Variants in ROBO1 observed in about 807,000 individuals in gnomAD.
ROBO1 encodes roundabout homolog 1.
Under a neutral mutation model 195.9 loss-of-function variants are expected in ROBO1, and 149 were observed. The ratio of observed to expected loss-of-function variants is 0.76; its 90% confidence interval spans 0.67 to 0.87. The LOEUF is 0.87. Ranked by LOEUF, ROBO1 falls within the 40% of genes least tolerant of loss-of-function variation. ROBO1 has a pLI of 0.00. For missense variants in ROBO1, 1,933 were observed against 2,068.3 expected, an observed-to-expected ratio of 0.93 and a Z score of 1.27; for synonymous variants, 816 against 733.2, an observed-to-expected ratio of 1.11 and a Z score of -1.82.
chr3:79,393,028 C>T (rs1021734027), intron 2 of ROBO1, among the ~76,000 whole-genome samples: 1 of 152,190 alleles, frequency 6.6e-6, no homozygotes, highest in Non-Finnish European at 1.5e-5. Flanking sequence ...TTGTCTCTTT[C>T]TTCTCTTTCA....
chr3:79,288,412 A>T (rs2032022594), intron 2 of ROBO1, among the ~76,000 whole-genome samples: 1 of 152,208 alleles, frequency 6.6e-6, no homozygotes. Context: ...AGAAAAAAAT[A>T]AAAAACAGAA....
intron 1 of ROBO1, among the ~76,000 whole-genome samples, chr3:79,714,015 A>G (rs925782321): frequency 3.9e-5 from 6 of 152,246 alleles, no homozygotes; most frequent in Admixed American, 1.3e-4. Context: ...TATAGTTTGA[A>G]GTCATGTAGC....
chr3:79,307,974 T>C (rs1219489620), intron 2 of ROBO1, among the ~76,000 whole-genome samples: 2 of 152,154 alleles, frequency 1.3e-5, no homozygotes, highest in Non-Finnish European at 2.9e-5. Context: ...ATTATCTTCA[T>C]AACATTGAGT....
chr3:78,638,207 A>G (rs888808260), intron 22 of ROBO1, among the ~76,000 whole-genome samples: 1 of 137,526 alleles, frequency 7.3e-6, no homozygotes, highest in Non-Finnish European at 1.6e-5. Flanking sequence ...GTATGTGTGT[A>G]TATATATACA....
intron 3 of ROBO1, among the ~76,000 whole-genome samples, chr3:79,123,741 A>G (rs1449611487): frequency 1.3e-5 from 2 of 152,036 alleles, no homozygotes; most frequent in Admixed American, 6.6e-5. Flanking sequence ...GTTCCATTAT[A>G]GACTATAAAG....
At chr3:79,562,249 C>A (rs946250214) in intron 2 of ROBO1, among the ~76,000 whole-genome samples, 2 of 102,600 alleles carry the variant, frequency 1.9e-5, no homozygotes, top group African/African-American at 4.7e-5. Context: ...TAAAATCATG[C>A]CTACTTTAAT....
intron 2 of ROBO1, among the ~76,000 whole-genome samples, chr3:79,506,461 AT>A (rs200619853): frequency 8.0e-4 from 119 of 148,010 alleles, no homozygotes; most frequent in African/African-American, 1.6e-3. Flanking sequence ...AGATGAAGCA[AT>A]TTTTTTTTTT....
chr3:78,911,754 T>C (rs1001140495), intron 4 of ROBO1, among the ~76,000 whole-genome samples: 12 of 152,026 alleles, frequency 7.9e-5, no homozygotes, highest in Admixed American at 6.6e-4. Flanking sequence ...GAATCTAAAA[T>C]GGCCTGTAAA....
Position 79,413,458 on chromosome 3 carries a change from G to T in ROBO1, c.88+176366C>A, listed in dbSNP as rs192985409. ...GCTGGGTATAAGGCAAGAGGGATAGGAGGAGATTGTGGTCAGGTGTGGAGA... is the reference window on the plus strand; with the variant it reads ...GCTGGGTATAAGGCAAGAGGGATAGTAGGAGATTGTGGTCAGGTGTGGAGA... On this transcript the variant is annotated intron_variant, in intron 2 of 30. Transcript: ENST00000464233. Among the ~76,000 whole-genome samples, 434 of 152,172 alleles carry T rather than the reference G, an allele frequency of 2.9e-3. 2 individuals carry two copies. The highest frequency in any genetic ancestry group is 9.1e-3 in the African/African-American group (377 of 41,558).
At chr3:78,768,822 A>G (rs1325711567) in intron 4 of ROBO1, among the ~76,000 whole-genome samples, 2 of 59,190 alleles carry the variant, frequency 3.4e-5, no homozygotes, top group Admixed American at 2.7e-4. Flanking sequence ...CCCCCACCCC[A>G]CCACAGTCCC....
intron 4 of ROBO1, among the ~76,000 whole-genome samples, chr3:78,916,033 C>G (rs2038545641): frequency 6.6e-6 from 1 of 151,674 alleles, no homozygotes; most frequent in Non-Finnish European, 1.5e-5. Flanking sequence ...GGGCGGATCA[C>G]GAGGTCAGGA....
At chr3:79,301,034 G>C (rs1036588822) in intron 2 of ROBO1, among the ~76,000 whole-genome samples, 2 of 152,134 alleles carry the variant, frequency 1.3e-5, no homozygotes, top group Non-Finnish European at 2.9e-5. Flanking sequence ...GGCTGCCCGA[G>C]CCAGCAGTGG....
intron 5 of ROBO1, among the ~76,000 whole-genome samples, chr3:78,720,925 C>T (rs2082026366): frequency 6.8e-6 from 1 of 148,006 alleles, no homozygotes; most frequent in Non-Finnish European, 1.5e-5. Context: ...AGCGGAACAT[C>T]ACACACTGGG....
intron 2 of ROBO1, among the ~76,000 whole-genome samples, chr3:79,179,511 A>T (rs879711880): frequency 1.3e-5 from 2 of 152,328 alleles, no homozygotes; most frequent in Non-Finnish European, 2.9e-5. Flanking sequence ...ACAGAAGTAA[A>T]CCAGGTTAGA....
At chr3:79,595,033 ACAAT>A (rs1944120342) in intron 1 of ROBO1, among the ~76,000 whole-genome samples, 3 of 152,018 alleles carry the variant, frequency 2.0e-5, no homozygotes, top group Non-Finnish European at 4.4e-5. Flanking sequence ...AAACTCCACC[ACAAT>A]CAAGATATAG....
chr3:79,305,640 C>A (rs1322271062), intron 2 of ROBO1, among the ~76,000 whole-genome samples: 1 of 151,918 alleles, frequency 6.6e-6, no homozygotes, highest in African/African-American at 2.4e-5. Flanking sequence ...AATGCATTTC[C>A]TTCTTTTTGA....
intron 10 of ROBO1, among the ~76,000 whole-genome samples, chr3:78,671,294 T>C (rs935965761): frequency 5.9e-5 from 9 of 152,104 alleles, no homozygotes; most frequent in African/African-American, 1.9e-4. Context: ...TATGAAACTC[T>C]ATAGTTTTTT....
rs765210356 is a variant in ROBO1, at chr3:78,651,886, G to A, written c.2658C>T (p.Leu886=). 3.0e-5 allele frequency: 49 copies of A among 1,613,532 alleles called. No homozygotes were observed. Among genetic ancestry groups the A allele is most frequent in the East Asian group, 4.5e-5 (2 of 44,882 alleles). Residue 886 remains leucine, a synonymous_variant, in exon 19 of 31, where the codon CTC becomes CTT. Transcript: ENST00000464233. ...NPVSPEDQVS[L]AQQISDVVKQ... ...TCACCACATCTGAAATCTGCTGAGCGAGGCTGACTTGGTCCTCAGGTGACA... is the reference window on the plus strand; with the variant it reads ...TCACCACATCTGAAATCTGCTGAGCAAGGCTGACTTGGTCCTCAGGTGACA...
At chr3:78,679,691 C>G (rs1000564012) in intron 10 of ROBO1, among the ~76,000 whole-genome samples, 3 of 152,164 alleles carry the variant, frequency 2.0e-5, no homozygotes, top group African/African-American at 7.2e-5. Flanking sequence ...AAGATACAAA[C>G]AAATGGAAGA....
Sources: allele counts gnomAD v4.1 joint callset (sites outside exome capture counted in the v4.1 genomes callset), GRCh38; gene constraint gnomAD v4.1.1; transcripts MANE v1.5; gene names NCBI Gene and HGNC (gene_info 2026-07-23, HGNC 2026-07-21).